The following TXNDC5 variants were observed in gnomAD, a reference collection of about 807,000 sequenced individuals.
TXNDC5 encodes thioredoxin domain containing 5.
Under a neutral mutation model 52.6 loss-of-function variants are expected in TXNDC5, and 44 were observed. That is an observed-to-expected ratio of 0.84 (90% CI 0.66 to 1.08). The LOEUF (loss-of-function observed/expected upper bound fraction) is 1.08, where lower values mean the gene tolerates loss of function less well. Ranked by LOEUF, TXNDC5 falls within the 50% of genes least tolerant of loss-of-function variation. TXNDC5 has a pLI of 0.00. For synonymous variants in TXNDC5, 241 were observed against 234.4 expected (o/e 1.03, Z -0.26); for missense variants, 600 against 565.5 (o/e 1.06, Z -0.62).
Position 7,888,803 on chromosome 6 carries a change from ACTCC to A in TXNDC5, c.861_864del (p.Arg287SerfsTer53). The stretch of plus-strand genomic sequence containing the variant: ...GTGCGCTGCAGCTGCGACTCCACGT[ACTCC>A]CTCAGTGACTCCAAATCCCGCTTTC... On this transcript the variant is annotated frameshift_variant, in exon 7 of 10. Transcript: ENST00000379757. LOFTEE classifies it high-confidence loss of function. 1.2e-6 allele frequency: 2 copies of A among 1,613,838 alleles called. No individual in the cohort carries two copies. The highest frequency in any genetic ancestry group is 1.7e-6 in the Non-Finnish European group (2 of 1,179,958).
chr6:7,891,611 T>G lies in TXNDC5; in HGVS notation c.732+10A>C. The G allele has an allele frequency of 1.2e-6, 2 of 1,611,422 alleles. No individual in the cohort carries two copies. The highest frequency in any genetic ancestry group is 2.2e-5 in the South Asian group (2 of 90,924). ...AGTCCATTTCCAGTTTAATAAGGGC[T>G]TTCACTCACCTTGCCAATCTTGACA... On this transcript the variant is annotated intron_variant, in intron 5 of 9. Transcript: ENST00000379757.
At chr6:7,907,605 C>A (rs1165049712) in intron 1 of TXNDC5, among the ~76,000 whole-genome samples, 9 of 152,184 alleles carry the variant, frequency 5.9e-5, no homozygotes, top group African/African-American at 1.2e-4. Context: ...GGGCTTTCAC[C>A]ACTCCACGGC....
rs1759799697 is a variant in TXNDC5 at position 7,882,518 on chromosome 6, C to T, written c.*626G>A. 1 of 152,408 alleles carries T rather than the reference C, an allele frequency of 6.6e-6. No homozygotes were observed. Among genetic ancestry groups the T allele is most frequent in the Admixed American group, 6.5e-5 (1 of 15,300 alleles). The allele number at this position is 152,408 out of a possible 1,614,324, so 9.4% of individuals were successfully genotyped here. ...GTTATGGCATCAGCATTCTCTTACT[C>T]AGGCACGGTCAGAAGTAACGCTGCT... On this transcript the variant is annotated 3_prime_UTR_variant, in exon 10 of 10. Transcript: ENST00000379757.
chr6:7,910,671 C>A lies in TXNDC5; in HGVS notation c.106G>T (p.Ala36Ser). The change falls in exon 1 of 10, where the codon GCC becomes TCC. Residue 36 changes from alanine (A) to serine (S), a missense_variant. Coordinates refer to ENST00000379757, the MANE Select transcript of TXNDC5 (RefSeq NM_030810.5). Reference sequence around the variant, plus strand: ...GCCGCCGCCGCCTCCTGGGCCCGGGCGCCCCAGCGCCCGCCGCCGCCATGG... The same window carrying A: ...GCCGCCGCCGCCTCCTGGGCCCGGGAGCCCCAGCGCCCGCCGCCGCCATGG... ...LGHGGGGRWG[A>S]RAQEAAAAAA... is the part of the protein sequence containing the mutation. 4.4e-6 allele frequency: 5 copies of A among 1,133,342 alleles called. No homozygotes were observed. The South Asian group carries it at 2.0e-4, about 45-fold the overall frequency. The allele number at this position is 1,133,342 out of a possible 1,614,324, so 70.2% of individuals were successfully genotyped here.
chr6:7,910,569 T>C lies in TXNDC5; in HGVS notation c.208A>G (p.Met70Val), dbSNP rs942862751. The C allele has an allele frequency of 2.1e-6, 3 of 1,443,862 alleles. No homozygotes were observed. Among genetic ancestry groups the C allele is most frequent in the Non-Finnish European group, 1.8e-6 (2 of 1,086,610 alleles). 89.4% of individuals were successfully genotyped at this position (1,443,862 alleles called of 1,614,324 possible). The part of the protein sequence containing the change: ...PHSKHLYTAD[M>V]FTHGIQSAAH... ...GCGCTCTGGATCCCGTGCGTGAACA[T>C]GTCGGCCGTGTACAGGTGCTTGCTG... The change falls in exon 1 of 10, where the codon ATG (methionine) becomes GTG (valine). Residue 70 changes from methionine (M) to valine (V), a missense_variant. Coordinates refer to ENST00000379757, the MANE Select transcript of TXNDC5 (RefSeq NM_030810.5).
intron 1 of TXNDC5, among the ~76,000 whole-genome samples, chr6:7,908,829 T>G (rs1009674063): frequency 6.6e-6 from 1 of 151,932 alleles, no homozygotes; most frequent in East Asian, 1.9e-4. Context: ...CAGAGCAAGA[T>G]CCCATCTCTA....
At chr6:7,899,326 T>C (rs1371807695) in intron 3 of TXNDC5, among the ~76,000 whole-genome samples, 1 of 152,244 alleles carries the variant, frequency 6.6e-6, no homozygotes, top group East Asian at 1.9e-4. Flanking sequence ...TGGTGGTAAC[T>C]GCTGAAACTC....
At chr6:7,896,266 A>C (rs768216477) in intron 3 of TXNDC5, among the ~76,000 whole-genome samples, 3 of 152,204 alleles carry the variant, frequency 2.0e-5, no homozygotes, top group Admixed American at 6.5e-5. Context: ...TCATACAGAA[A>C]GAGGGGGAAA....
chr6:7,890,927 G>T (rs13873), intron 5 of TXNDC5, among the ~76,000 whole-genome samples: 50,324 of 152,000 alleles, frequency 0.33, 9,106 homozygotes, highest in East Asian at 0.64. Context: ...ACCATCCCAA[G>T]TAGATCATCC....
chr6:7,897,668 T>C (rs1261834309), intron 3 of TXNDC5, among the ~76,000 whole-genome samples: 1 of 152,178 alleles, frequency 6.6e-6, no homozygotes. Flanking sequence ...CTCTCAGCCC[T>C]TTCCAACCTG....
intron 8 of TXNDC5, among the ~76,000 whole-genome samples, chr6:7,884,995 C>T (rs577914505): frequency 9.8e-5 from 15 of 152,288 alleles, no homozygotes; most frequent in African/African-American, 3.4e-4. Flanking sequence ...CCCTTCTACC[C>T]GACTCTGTTC....
chr6:7,910,157 G>T, intron 1 of TXNDC5: 1 of 987,760 alleles, frequency 1.0e-6, no homozygotes, highest in South Asian at 4.6e-5. Flanking sequence ...CCCGGCCGCC[G>T]AGCGCCACGT....
intron 3 of TXNDC5, among the ~76,000 whole-genome samples, 197 bp from the exon 4 acceptor site, chr6:7,895,399 A>C (rs1760334013): frequency 6.6e-6 from 1 of 152,126 alleles, no homozygotes; most frequent in South Asian, 2.1e-4. Context: ...AAGCTTCAGC[A>C]AAAAGCCCCC....
intron 4 of TXNDC5, 59 bp downstream of exon 4, chr6:7,895,047 C>G: frequency 6.4e-7 from 1 of 1,567,572 alleles, no homozygotes; most frequent in Admixed American, 1.8e-5. Context: ...AAGGAAAAGC[C>G]CAGCACGCCA....
chr6:7,903,040 T>G (rs560955107), intron 2 of TXNDC5, among the ~76,000 whole-genome samples: 1 of 152,256 alleles, frequency 6.6e-6, no homozygotes, highest in South Asian at 2.1e-4. Context: ...ACCTTCCCTG[T>G]GGCATGGTGT....
rs1004212177 is a variant in TXNDC5 at position 7,881,846 on chromosome 6, T to G, written c.*1298A>C. 6.6e-6 allele frequency: 1 copy of G among 152,234 alleles called. No homozygotes were observed. The highest frequency in any genetic ancestry group is 6.5e-5 in the Admixed American group (1 of 15,272). The allele number at this position is 152,234 out of a possible 1,614,324, so 9.4% of individuals were successfully genotyped here. A position where few individuals can be genotyped will look rare whatever the true frequency, so the allele number is the denominator to read the frequency against. On this transcript the variant is annotated 3_prime_UTR_variant, in exon 10 of 10. Transcript: ENST00000379757. ...CCAAGTATCCACATCCCCTTGCGTA[T>G]GGGAGGTGGGTGAAGAGTGTTGGAT...
chr6:7,896,623 G>A (rs1231350161), intron 3 of TXNDC5, among the ~76,000 whole-genome samples: 5 of 152,204 alleles, frequency 3.3e-5, no homozygotes, highest in Non-Finnish European at 7.3e-5. Context: ...GACTTTCAAA[G>A]TGCTAAATAC....
In TXNDC5 at chr6:7,899,583, T is replaced by G; in HGVS notation, c.512A>C (p.Glu171Ala). The G allele has an allele frequency of 6.2e-7, 1 of 1,612,664 alleles. No individual in the cohort carries two copies. Among genetic ancestry groups the G allele is most frequent in the Admixed American group, 1.7e-5 (1 of 59,950 alleles). Residue 171 changes from glutamate to alanine, a missense_variant, in exon 3 of 10, where the codon GAG (glutamate) becomes GCG (alanine). Coordinates refer to ENST00000379757, the MANE Select transcript of TXNDC5 (RefSeq NM_030810.5). ...AAGGAGGTAGACACTCACCACTGGC[T>G]CCTCGTTCAGTGTCTGCAGCATCCA... is the stretch of plus-strand genomic sequence containing the variant. Reference protein sequence around the residue: ...ENWMLQTLNEEPVTPEPEVEP... With the variant: ...ENWMLQTLNEAPVTPEPEVEP...
intron 3 of TXNDC5, among the ~76,000 whole-genome samples, chr6:7,896,864 C>T (rs1760386589): frequency 6.6e-6 from 1 of 152,190 alleles, no homozygotes; most frequent in Admixed American, 6.5e-5. Context: ...AAACAGGTCA[C>T]GTCTTGCCCT....
Sources: gnomAD v4.1 joint callset for allele counts (sites outside exome capture counted in the v4.1 genomes callset) on GRCh38, gnomAD v4.1.1 for gene constraint, MANE v1.5 for transcripts, NCBI Gene and HGNC (gene_info 2026-07-23, HGNC 2026-07-21) for gene names.